PPP6R2: variants seen among roughly 807,000 people sequenced by gnomAD.
PPP6R2 encodes the protein serine/threonine-protein phosphatase 6 regulatory subunit 2.
In PPP6R2, 62 loss-of-function variants were observed where a neutral mutation model predicts 100.2. That is an observed-to-expected ratio of 0.62 (90% CI 0.50 to 0.76). PPP6R2 has a LOEUF of 0.76. PPP6R2 is among the 30% of genes least tolerant of loss of function. The pLI is 0.00. For synonymous variants in PPP6R2, 525 were observed against 514.7 expected (o/e 1.02, Z -0.27); for missense variants, 1,142 against 1,276.3 (o/e 0.89, Z 1.60).
At chr22:50,386,116 C>G (rs961772715) in intron 2 of PPP6R2, among the ~76,000 whole-genome samples, 1 of 150,698 alleles carries the variant, frequency 6.6e-6, no homozygotes, top group African/African-American at 2.4e-5. Context: ...TGAACCACTG[C>G]GCCCGGACAA....
intron 4 of PPP6R2, among the ~76,000 whole-genome samples, chr22:50,408,974 C>T (rs952310087): frequency 7.9e-5 from 12 of 152,122 alleles, no homozygotes; most frequent in East Asian, 1.9e-4. Flanking sequence ...ATTAGCCGGG[C>T]GTGGTAGCAC....
chr22:50,433,049 A>G (rs2063468085), intron 12 of PPP6R2, among the ~76,000 whole-genome samples: 1 of 152,214 alleles, frequency 6.6e-6, no homozygotes, highest in African/African-American at 2.4e-5. Context: ...TGTAAAATGG[A>G]GTGAGAGCAG....
In PPP6R2 at chr22:50,444,295, A is replaced by T; in HGVS notation, c.*48A>T. 1 of 1,580,390 alleles carries T rather than the reference A, an allele frequency of 6.3e-7. No individual in the cohort carries two copies. Among genetic ancestry groups the T allele is most frequent in the Non-Finnish European group, 8.6e-7 (1 of 1,163,802 alleles). On this transcript the variant is annotated 3_prime_UTR_variant, in exon 24 of 24. Transcript: ENST00000612753. ...CCCACCCTGGTCAGGCTGCCTCCTT[A>T]ATCGAGAAAACTACCTGGTGATGCA...
At chr22:50,353,024 A>G (rs1602110799) in intron 1 of PPP6R2, among the ~76,000 whole-genome samples, 1 of 152,196 alleles carries the variant, frequency 6.6e-6, no homozygotes. Context: ...TGATGGTGCC[A>G]CTACATTCCA....
At chr22:50,350,342 T>G (rs1268609729) in intron 1 of PPP6R2, among the ~76,000 whole-genome samples, 1 of 150,988 alleles carries the variant, frequency 6.6e-6, no homozygotes, top group Non-Finnish European at 1.5e-5. Context: ...GCGATTCTCC[T>G]GCCTCAGCCT....
intron 19 of PPP6R2, 71 bp downstream of exon 19, chr22:50,438,833 G>T: frequency 1.4e-6 from 2 of 1,430,988 alleles, no homozygotes; most frequent in Non-Finnish European, 1.9e-6. Context: ...CCTGGGTGTT[G>T]TGGAGGCTTC....
chr22:50,338,630 GGT>G (rs1253346949), upstream of PPP6R2, among the ~76,000 whole-genome samples: 1 of 136,310 alleles, frequency 7.3e-6, no homozygotes, highest in Non-Finnish European at 1.6e-5. Flanking sequence ...TGTGGTATAT[GGT>G]GTGTGGTGTC....
At chr22:50,355,854 CAAAA>C (rs957705717) in intron 1 of PPP6R2, among the ~76,000 whole-genome samples, 2 of 144,900 alleles carry the variant, frequency 1.4e-5, no homozygotes, top group Non-Finnish European at 3.0e-5. Flanking sequence ...AAAAAAAAAC[CAAAA>C]AAAAAGCTTT....
chr22:50,367,419 C>G (rs1257438441), intron 1 of PPP6R2, among the ~76,000 whole-genome samples: 1 of 152,034 alleles, frequency 6.6e-6, no homozygotes, highest in East Asian at 1.9e-4. Context: ...CAAAAGAAGG[C>G]TTATATCCTG....
At chr22:50,349,904 G>A (rs541052652) in intron 1 of PPP6R2, among the ~76,000 whole-genome samples, 4 of 151,220 alleles carry the variant, frequency 2.6e-5, no homozygotes, top group Admixed American at 6.6e-5. Flanking sequence ...GATCACCTGA[G>A]GTCAGGAGTT....
rs762318417 is a variant in PPP6R2 at position 50,414,576 on chromosome 22, G to A, written c.439G>A (p.Asp147Asn). 2.5e-6 allele frequency: 4 copies of A among 1,613,992 alleles called. No homozygotes were observed. The highest frequency in any genetic ancestry group is 2.2e-5 in the South Asian group (2 of 91,078). ...GGTGATTACGTTTTTGAAGAAGAAG[G>A]ACAAGTTCATCAGCCTGGTGTTGAA... ...EQVITFLKKK[D>N]KFISLVLKHI... The change falls in exon 5 of 24, where the codon GAC becomes AAC. Residue 147 changes from aspartate (D) to asparagine (N), a missense_variant. By Grantham distance (23) the Asp-to-Asn change is conservative. Transcript: ENST00000612753.
At chr22:50,367,270 T>A (rs905768592) in intron 1 of PPP6R2, among the ~76,000 whole-genome samples, 9 of 152,050 alleles carry the variant, frequency 5.9e-5, no homozygotes, top group African/African-American at 2.2e-4. Flanking sequence ...TTGGAGTATG[T>A]AGCGAAGATG....
At chr22:50,440,423 C>T (rs2065312611) in intron 21 of PPP6R2, among the ~76,000 whole-genome samples, 1 of 152,144 alleles carries the variant, frequency 6.6e-6, no homozygotes, top group South Asian at 2.1e-4. Context: ...GCCCCCTAGT[C>T]AGGCTCAGAA....
Position 50,423,706 on chromosome 22 carries a change from A to G in PPP6R2, c.1125+92A>G. 6.7e-7 allele frequency: 1 copy of G among 1,489,376 alleles called. No individual in the cohort carries two copies. 92.3% of individuals were successfully genotyped at this position (1,489,376 alleles called of 1,614,324 possible). On this transcript the variant is annotated intron_variant, in intron 10 of 23. Transcript: ENST00000612753. This position sits in a 1 kb window ranked among gnomAD's most constrained non-coding sequence, Gnocchi z 4.8. ...AGGAGCAGCAGAGCAGGGCCCCAGC[A>G]TTTGGACAAAGCTCTGCCACGGGGA...
chr22:50,414,473 C>G, intron 4 of PPP6R2, 79 bp from the exon 5 acceptor site: 1 of 1,507,192 alleles, frequency 6.6e-7, no homozygotes, highest in East Asian at 2.3e-5. Flanking sequence ...GTTCAACTTT[C>G]CCATGAGAGT....
At chr22:50,426,888 T>A (rs2062232429) in intron 10 of PPP6R2, among the ~76,000 whole-genome samples, 1 of 150,104 alleles carries the variant, frequency 6.7e-6, no homozygotes, top group South Asian at 2.1e-4. Flanking sequence ...TCGGCCTAAT[T>A]GTTAAAAACC....
At chr22:50,437,462 A>G (rs771084311) in intron 15 of PPP6R2, 44 bp from the exon 16 acceptor site, 3 of 1,387,024 alleles carry the variant, frequency 2.2e-6, no homozygotes, top group Non-Finnish European at 3.1e-6. Context: ...TGCCTCCTCC[A>G]TGACCGGTGT....
chr22:50,415,315 T>C (rs2060380998), intron 5 of PPP6R2, among the ~76,000 whole-genome samples: 1 of 152,250 alleles, frequency 6.6e-6, no homozygotes, highest in East Asian at 1.9e-4. Flanking sequence ...TCCCAGCTCC[T>C]GGAATCAGGA....
In PPP6R2 at chr22:50,423,222, C is replaced by T. The variant is rs555102483; in HGVS notation, c.973-240C>T. ...GGCTCTCTGGCCCTGCAGGCTCAGACTGGAGTGCCCGTGAGCATCCTGGGA... is the reference window on the plus strand; with the variant it reads ...GGCTCTCTGGCCCTGCAGGCTCAGATTGGAGTGCCCGTGAGCATCCTGGGA... On this transcript the variant is annotated intron_variant, in intron 9 of 23. Transcript: ENST00000612753. This position sits in a 1 kb window ranked among gnomAD's most constrained non-coding sequence, Gnocchi z 4.8. 7.9e-5 allele frequency among the ~76,000 whole-genome samples: 12 copies of T among 152,170 alleles called. No homozygotes were observed. Among genetic ancestry groups the T allele is most frequent in the Admixed American group, 3.3e-4 (5 of 15,278 alleles).
Sources: allele counts gnomAD v4.1 joint callset (sites outside exome capture counted in the v4.1 genomes callset), GRCh38; gene constraint gnomAD v4.1.1; non-coding constraint Gnocchi (gnomAD v3.1); transcripts MANE v1.5; gene names NCBI Gene and HGNC (gene_info 2026-07-23, HGNC 2026-07-21).